The following EGFLAM variants were observed in gnomAD, a reference collection of about 807,000 sequenced individuals.
EGFLAM encodes the protein pikachurin.
A neutral mutation model predicts 113.1 loss-of-function variants in EGFLAM; 79 were observed. The ratio of observed to expected loss-of-function variants is 0.70; its 90% CI spans 0.58 to 0.84. The LOEUF is 0.84. Among genes scored for constraint, EGFLAM ranks in the 40% least tolerant of loss-of-function variants. The pLI is 0.00. For synonymous variants in EGFLAM, 504 were observed against 487.6 expected (o/e 1.03, Z -0.44); for missense variants, 1,265 against 1,291.6 (o/e 0.98, Z 0.32).
intron 1 of EGFLAM, among the ~76,000 whole-genome samples, chr5:38,264,517 C>T (rs13169684): frequency 0.013 from 1,992 of 152,262 alleles, 21 homozygotes; most frequent in Non-Finnish European, 0.02. Flanking sequence ...TCTGCTGCTG[C>T]TAGTGTGAGG....
At chr5:38,285,918 A>G (rs751608357) in intron 1 of EGFLAM, 1 of 152,172 alleles carries the variant, frequency 6.6e-6, no homozygotes, top group Non-Finnish European at 1.5e-5. Context: ...TTACAATTCG[A>G]GATGAGATCT....
intron 6 of EGFLAM, among the ~76,000 whole-genome samples, chr5:38,394,505 G>T (rs1440805381): frequency 6.6e-6 from 1 of 151,154 alleles, no homozygotes; most frequent in African/African-American, 2.4e-5. Context: ...CGCCTCCCGG[G>T]TTCACGCCAT....
At position 38,366,525 on chromosome 5, in the gene EGFLAM, C is replaced by A. The variant is rs1300695379; in HGVS notation, c.546-3771C>A. 2.0e-5 allele frequency among the ~76,000 whole-genome samples: 3 copies of A among 152,162 alleles called. No homozygotes were observed. In the East Asian group the frequency reaches 5.8e-4, roughly 29 times the overall value. On this transcript the variant is annotated intron_variant, in intron 5 of 21. Coordinates refer to ENST00000322350, the MANE Select transcript of EGFLAM (RefSeq NM_152403.4). ...CAATGGACTAGCCCATGGCAGCCAC[C>A]TATGGGGTTTGATAGTATCAAGAAA... is the stretch of plus-strand genomic sequence containing the variant.
rs1031506733 is a variant in EGFLAM at position 38,330,421 on chromosome 5, G to A, written c.98-7099G>A. Among the ~76,000 whole-genome samples the A allele has an allele frequency of 2.6e-4, 40 of 152,146 alleles. 1 individual carries two copies. The highest frequency in any genetic ancestry group is 1.5e-4 in the Non-Finnish European group (10 of 68,028). ...TTGTGGCAGCAGTAATGCCAGTAGT[G>A]GGGGTGAAGGCAGAGGCTTCCTGGT... On this transcript the variant is annotated intron_variant, in intron 1 of 21. Coordinates refer to ENST00000322350, the MANE Select transcript of EGFLAM (RefSeq NM_152403.4).
Position 38,464,189 on chromosome 5 carries a change from C to T in EGFLAM, c.*203C>T. The T allele has an allele frequency of 1.6e-6, 1 of 613,454 alleles. No homozygotes were observed. Among genetic ancestry groups the T allele is most frequent in the Non-Finnish European group, 2.8e-6 (1 of 360,138 alleles). The allele number at this position is 613,454 out of a possible 1,614,324, so 38.0% of individuals were successfully genotyped here. ...TCCTGCTGACACTCCACGAGCTGAC[C>T]CAGCAGAATTCTCTGTGTAGGAAGC... On this transcript the variant is annotated 3_prime_UTR_variant, in exon 22 of 22. Transcript: ENST00000322350.
At chr5:38,407,468 C>T (rs1438114001) in intron 8 of EGFLAM, among the ~76,000 whole-genome samples, 59 of 152,138 alleles carry the variant, frequency 3.9e-4, no homozygotes, top group Admixed American at 3.8e-3. Flanking sequence ...AAAGCTTATG[C>T]ATGAGGGTTA....
At chr5:38,462,220 G>A (rs1743305684) in intron 20 of EGFLAM, among the ~76,000 whole-genome samples, 1 of 152,052 alleles carries the variant, frequency 6.6e-6, no homozygotes, top group African/African-American at 2.4e-5. Flanking sequence ...TCTTCCCATC[G>A]AATGATCTTA....
chr5:38,341,389 C>G (rs903536138), intron 3 of EGFLAM, among the ~76,000 whole-genome samples: 1 of 152,184 alleles, frequency 6.6e-6, no homozygotes, highest in East Asian at 1.9e-4. Flanking sequence ...CTTATAAAAT[C>G]ATCAGCTCTT....
intron 1 of EGFLAM, among the ~76,000 whole-genome samples, chr5:38,335,135 T>C (rs902478379): frequency 2.6e-5 from 4 of 152,172 alleles, no homozygotes; most frequent in African/African-American, 4.8e-5. Context: ...AAATAAATAA[T>C]TGAATGCACC....
At chr5:38,385,124 A>T (rs1740621739) in intron 6 of EGFLAM, among the ~76,000 whole-genome samples, 1 of 152,182 alleles carries the variant, frequency 6.6e-6, no homozygotes. Context: ...CTGGGAAATT[A>T]ACTGACATTT....
chr5:38,360,845 T>C (rs1739901766), intron 5 of EGFLAM, among the ~76,000 whole-genome samples: 1 of 150,848 alleles, frequency 6.6e-6, no homozygotes, highest in African/African-American at 2.4e-5. Flanking sequence ...TTTATTTATT[T>C]ATTTATTTAT....
At chr5:38,360,446 A>G (rs1222521086) in intron 5 of EGFLAM, among the ~76,000 whole-genome samples, 1 of 152,124 alleles carries the variant, frequency 6.6e-6, no homozygotes, top group African/African-American at 2.4e-5. Flanking sequence ...TGGATACGTG[A>G]CATCTAAAAT....
At chr5:38,259,650 A>G (rs1445575741) in intron 1 of EGFLAM, among the ~76,000 whole-genome samples, 1 of 152,200 alleles carries the variant, frequency 6.6e-6, no homozygotes, top group Non-Finnish European at 1.5e-5. Flanking sequence ...AACGATTTTT[A>G]TTACTTTTTG....
At position 38,438,308 on chromosome 5, in the gene EGFLAM, C is replaced by T. The variant is rs1184542544; in HGVS notation, c.2317C>T (p.His773Tyr). The T allele has an allele frequency of 1.9e-6, 3 of 1,613,880 alleles. No individual in the cohort carries two copies. The highest frequency in any genetic ancestry group is 2.5e-6 in the Non-Finnish European group (3 of 1,179,842). ...ILNDRTIHVK[H>Y]DFTSGVNVEN... ...GAATGACCGAACCATCCATGTGAAG[C>T]ATGACTTCACCTCCGGAGTGAATGT... Residue 773 changes from histidine (H) to tyrosine (Y), a missense_variant, in exon 17 of 22, where the codon CAT (histidine) becomes TAT (tyrosine). Transcript: ENST00000322350.
chr5:38,306,048 A>G (rs1485398544), intron 1 of EGFLAM, among the ~76,000 whole-genome samples: 1 of 152,216 alleles, frequency 6.6e-6, no homozygotes, highest in Non-Finnish European at 1.5e-5. Flanking sequence ...GTGGGTGACC[A>G]TGGTTATGAT....
rs538832368 is a variant in EGFLAM, at chr5:38,420,614, G to A, written c.1684+2359G>A. Among the ~76,000 whole-genome samples, 98 of 152,306 alleles carry A rather than the reference G, an allele frequency of 6.4e-4. 1 individual carries two copies. Among genetic ancestry groups the A allele is most frequent in the African/African-American group, 2.3e-3 (95 of 41,562 alleles). ...GGGCTTTGCACATCGCAAACATTTC[G>A]TAAATGTTTCCTGTTATTAATATTG... is the stretch of plus-strand genomic sequence containing the variant. On this transcript the variant is annotated intron_variant, in intron 12 of 21. Transcript: ENST00000322350.
chr5:38,443,820 G>A lies in EGFLAM; in HGVS notation c.2465-4481G>A, dbSNP rs562722634. Among the ~76,000 whole-genome samples, 4 of 150,722 alleles carry A rather than the reference G, an allele frequency of 2.7e-5. No homozygotes were observed. In the South Asian group the frequency reaches 8.4e-4, roughly 32 times the overall value. On this transcript the variant is annotated intron_variant, in intron 17 of 21. Coordinates refer to ENST00000322350, the MANE Select transcript of EGFLAM (RefSeq NM_152403.4). ...AGTCTAACTCTGTCACCCCAGGCTG[G>A]AGTGCAGTGGCGTGATCTTGGCTCA...
At chr5:38,405,128 C>T (rs1197459523) in intron 6 of EGFLAM, among the ~76,000 whole-genome samples, 1 of 151,728 alleles carries the variant, frequency 6.6e-6, no homozygotes, top group Admixed American at 6.6e-5. Flanking sequence ...CTATAATCTC[C>T]CTTTTTTGTT....
chr5:38,428,489 G>T (rs1412484400), intron 14 of EGFLAM, among the ~76,000 whole-genome samples: 3 of 152,346 alleles, frequency 2.0e-5, no homozygotes, highest in African/African-American at 7.2e-5. Flanking sequence ...GGATTTAATT[G>T]ATTCAATTTA....
Sources: allele counts gnomAD v4.1 joint callset (sites outside exome capture counted in the v4.1 genomes callset), GRCh38; gene constraint gnomAD v4.1.1; transcripts MANE v1.5; gene names NCBI Gene and HGNC (gene_info 2026-07-23, HGNC 2026-07-21).